The following CCDC13 variants were observed in gnomAD, a reference collection of about 807,000 sequenced individuals.
CCDC13 encodes the protein coiled-coil domain-containing protein 13.
Under a neutral mutation model 87.3 loss-of-function variants are expected in CCDC13, and 70 were observed. The observed-to-expected ratio is 0.80, with a 90% CI of 0.66 to 0.98. The LOEUF (loss-of-function observed/expected upper bound fraction) is 0.98. Ranked by LOEUF, CCDC13 falls within the 50% of genes least tolerant of loss-of-function variation. The pLI is 0.00. For missense variants in CCDC13, 842 were observed against 892.0 expected (o/e 0.94, Z 0.71); for synonymous variants, 317 against 360.3 (o/e 0.88, Z 1.36).
rs367680312 is a variant in CCDC13, at chr3:42,732,925, C to G, written c.1557G>C (p.Thr519=). 2 of 1,554,422 alleles carry G rather than the reference C, an allele frequency of 1.3e-6. No homozygotes were observed. The highest frequency in any genetic ancestry group is 1.7e-6 in the Non-Finnish European group (2 of 1,148,328). The change falls in exon 12 of 16, where the codon ACG becomes ACC. Residue 519 remains threonine, a synonymous_variant. Transcript: ENST00000310232. The part of the protein sequence containing the change: ...LGHTLVESAL[T]RPSLPSPHRT... Reference sequence around the variant, plus strand: ...TGTGGGGACTGGGCAGGGAAGGCCTCGTGAGAGCAGATTCCACCAGTGTGT... The same window carrying G: ...TGTGGGGACTGGGCAGGGAAGGCCTGGTGAGAGCAGATTCCACCAGTGTGT...
intron 10 of CCDC13, among the ~76,000 whole-genome samples, chr3:42,734,275 G>A (rs1174480218): frequency 1.3e-5 from 2 of 152,184 alleles, no homozygotes; most frequent in East Asian, 1.9e-4. Context: ...AACGTGTGCC[G>A]ACTTAAGTCT....
At chr3:42,730,299 C>A (rs13085272) in intron 13 of CCDC13, among the ~76,000 whole-genome samples, 168 bp downstream of exon 13, 1 of 151,854 alleles carries the variant, frequency 6.6e-6, no homozygotes, top group Admixed American at 6.6e-5. Context: ...CACAGTGTGA[C>A]GACAAGGCCC....
At chr3:42,734,575 C>T (rs1698942154) in intron 10 of CCDC13, among the ~76,000 whole-genome samples, 1 of 152,226 alleles carries the variant, frequency 6.6e-6, no homozygotes, top group Non-Finnish European at 1.5e-5. Context: ...ATAGAGGCTA[C>T]AGGACAAACC....
Position 42,757,067 on chromosome 3 carries a change from T to C in CCDC13, c.369A>G (p.Thr123=), listed in dbSNP as rs753742228. The C allele has an allele frequency of 1.9e-6, 3 of 1,613,476 alleles. No individual in the cohort carries two copies. The highest frequency in any genetic ancestry group is 2.5e-6 in the Non-Finnish European group (3 of 1,179,642). Residue 123 remains threonine (T), a splice_region_variant and synonymous_variant, in exon 3 of 16, where the codon ACA becomes ACG. Transcript: ENST00000310232. ...CTATCACAACAATGGTGGAGCTACC[T>C]GTGAAGGCAAATCTGTCCTCTTCTA... ...KKIEEDRFAF[T]GTAGVAGDVV... is the part of the protein sequence containing the mutation.
rs996652020 is a variant in CCDC13, at chr3:42,733,359, A to G, written c.1511+111T>C. ...CCACGTATTGGAAGAACAACAGCATAGTCATCTTAAAATTGCACCTGTGGC... is the reference window on the plus strand; with the variant it reads ...CCACGTATTGGAAGAACAACAGCATGGTCATCTTAAAATTGCACCTGTGGC... On this transcript the variant is annotated intron_variant, in intron 11 of 15. Transcript: ENST00000310232. 6 of 1,304,424 alleles carry G rather than the reference A, an allele frequency of 4.6e-6. No individual in the cohort carries two copies. In the East Asian group the frequency reaches 9.2e-5, roughly 20 times the overall value. 80.8% of individuals were successfully genotyped at this position (1,304,424 alleles called of 1,614,324 possible). A position where few individuals can be genotyped will look rare whatever the true frequency, so the allele number is the denominator to read the frequency against.
chr3:42,767,528 C>A (rs1363965898), intron 1 of CCDC13, among the ~76,000 whole-genome samples: 2 of 152,132 alleles, frequency 1.3e-5, no homozygotes, highest in Admixed American at 1.3e-4. Context: ...TCTATAGATT[C>A]AATGCAATTG....
chr3:42,711,678 C>G (rs964653274), intron 14 of CCDC13, among the ~76,000 whole-genome samples: 1 of 152,260 alleles, frequency 6.6e-6, no homozygotes, highest in Non-Finnish European at 1.5e-5. Context: ...GTCTAGCTCC[C>G]CTACTGGAGT....
At chr3:42,770,205 G>A (rs1697624413) in intron 1 of CCDC13, among the ~76,000 whole-genome samples, 1 of 152,342 alleles carries the variant, frequency 6.6e-6, no homozygotes, top group East Asian at 1.9e-4. Context: ...TCTGTATCTA[G>A]CTCAAGGTTT....
At position 42,713,309 on chromosome 3, in the gene CCDC13, C is replaced by T. The variant is rs754506293; in HGVS notation, c.1726G>A (p.Glu576Lys). ...GACTCCAGGAGCTTGCTGTTGCTCT[C>T]CTCCACCCTGGTGATTAGAGAGGAG... ...FVTVLQKRVEESNSKLLESER... is the reference protein window; with the variant it reads ...FVTVLQKRVEKSNSKLLESER... The change falls in exon 14 of 16, where the codon GAG becomes AAG. Residue 576 changes from glutamate to lysine, a missense_variant. Transcript: ENST00000310232. 5.6e-6 allele frequency: 9 copies of T among 1,613,782 alleles called. No homozygotes were observed. In the African/African-American group the frequency reaches 8.0e-5, roughly 14 times the overall value.
intron 12 of CCDC13, among the ~76,000 whole-genome samples, chr3:42,731,778 T>C (rs1231308382): frequency 2.0e-5 from 3 of 152,176 alleles, no homozygotes; most frequent in Admixed American, 2.0e-4. Context: ...CTCTCTGGGA[T>C]CACTCTGCCC....
Position 42,743,030 on chromosome 3 carries a change from G to A in CCDC13, c.853C>T (p.Gln285Ter). The A allele has an allele frequency of 6.2e-7, 1 of 1,614,106 alleles. No individual in the cohort carries two copies. The highest frequency in any genetic ancestry group is 8.5e-7 in the Non-Finnish European group (1 of 1,180,008). Residue 285 changes from glutamine (Q) to a stop codon, truncating the protein, a stop_gained, in exon 8 of 16, where the codon CAG (glutamine) becomes TAG (stop). Coordinates refer to ENST00000310232, the MANE Select transcript of CCDC13 (RefSeq NM_144719.4). LOFTEE classifies it high-confidence loss of function. ...GTTCCCGCAGACTGGCTCCGGGCCT[G>A]GCCCAATTGCTTCTCAAGCTCTTGA... ...KVQELEKQLGQARSQSAGTAS... is the reference protein window; with the variant it reads ...KVQELEKQLG
At chr3:42,772,577 T>C (rs1447042740) in intron 1 of CCDC13, among the ~76,000 whole-genome samples, 3 of 152,218 alleles carry the variant, frequency 2.0e-5, no homozygotes, top group African/African-American at 7.2e-5. Context: ...AACAACAGTC[T>C]AGGGGCCTGG....
At chr3:42,728,604 G>A (rs961561848) in intron 13 of CCDC13, among the ~76,000 whole-genome samples, 3 of 152,308 alleles carry the variant, frequency 2.0e-5, no homozygotes, top group Non-Finnish European at 1.5e-5. Flanking sequence ...GGCCAATTTA[G>A]TTATAACAAA....
At chr3:42,760,518 A>C (rs1314688598) in intron 1 of CCDC13, among the ~76,000 whole-genome samples, 1 of 150,802 alleles carries the variant, frequency 6.6e-6, no homozygotes, top group Non-Finnish European at 1.5e-5. Context: ...TCAGGAGGCT[A>C]AGGCAGGAGA....
At chr3:42,763,001 G>C (rs1055815218) in intron 1 of CCDC13, among the ~76,000 whole-genome samples, 1 of 152,168 alleles carries the variant, frequency 6.6e-6, no homozygotes, top group East Asian at 1.9e-4. Context: ...ATTCAACTGA[G>C]CAAAGAATGA....
At position 42,758,306 on chromosome 3, in the gene CCDC13, G is replaced by A; in HGVS notation, c.40C>T (p.Gln14Ter). Reference sequence around the variant, plus strand: ...TGCATCTCCTGCATTGCCTTGAACTGGAGCCGCAAAGTGTTCTGTGAGCTT... The same window carrying A: ...TGCATCTCCTGCATTGCCTTGAACTAGAGCCGCAAAGTGTTCTGTGAGCTT... ...DESSQNTLRL[Q>*]FKAMQEMQHK... The change falls in exon 2 of 16, where the codon CAG (glutamine) becomes TAG (stop). Residue 14 changes from glutamine to a stop codon, truncating the protein, a stop_gained. Transcript: ENST00000310232. LOFTEE classifies it high-confidence loss of function. 1 of 1,613,168 alleles carries A rather than the reference G, an allele frequency of 6.2e-7. No individual in the cohort carries two copies. The highest frequency in any genetic ancestry group is 1.3e-5 in the African/African-American group (1 of 75,000).
At chr3:42,718,694 G>A (rs375356962) in intron 13 of CCDC13, among the ~76,000 whole-genome samples, 28 of 152,132 alleles carry the variant, frequency 1.8e-4, no homozygotes, top group African/African-American at 6.3e-4. Flanking sequence ...TGGTGACCAC[G>A]GAAGCGACTA....
chr3:42,717,994 CACA>C (rs1450948393), intron 13 of CCDC13: 2 of 152,100 alleles, frequency 1.3e-5, no homozygotes, highest in African/African-American at 4.8e-5. Context: ...TGCATAATAC[CACA>C]ACCATCCACC....
At chr3:42,770,933 A>G (rs1260660924) in intron 1 of CCDC13, 1 of 152,250 alleles carries the variant, frequency 6.6e-6, no homozygotes, top group Non-Finnish European at 1.5e-5. Context: ...CAGACACGCC[A>G]CCTTTAAGAA....
Sources: allele counts gnomAD v4.1 joint callset (sites outside exome capture counted in the v4.1 genomes callset), GRCh38; gene constraint gnomAD v4.1.1; transcripts MANE v1.5; gene names NCBI Gene and HGNC (gene_info 2026-07-23, HGNC 2026-07-21).